PTPN3: variants seen among roughly 807,000 people sequenced by gnomAD.
PTPN3 encodes tyrosine-protein phosphatase non-receptor type 3.
PTPN3 carries 96 observed loss-of-function variants against 132.7 expected under a neutral mutation model. That is an observed-to-expected ratio of 0.72 (90% CI 0.61 to 0.86). The LOEUF is 0.86. Ranked by LOEUF, PTPN3 falls within the 40% of genes least tolerant of loss-of-function variation. PTPN3 has a pLI of 0.00. For missense variants in PTPN3, 1,125 were observed against 1,159.6 expected (o/e 0.97, Z 0.43); for synonymous variants, 398 against 429.0 (o/e 0.93, Z 0.89).
intron 10 of PTPN3, among the ~76,000 whole-genome samples, chr9:109,432,235 G>A (rs1843712555): frequency 6.6e-6 from 1 of 151,800 alleles, no homozygotes; most frequent in Non-Finnish European, 1.5e-5. Flanking sequence ...TCCCAAGTTG[G>A]GGAGCAGATT....
At chr9:109,382,216 G>C (rs1839162390) in intron 24 of PTPN3, 86 bp downstream of exon 24, 1 of 1,462,486 alleles carries the variant, frequency 6.8e-7, no homozygotes, top group African/African-American at 1.4e-5. Context: ...GTGGGATGTA[G>C]GGTGGGTCTG....
the PTPN3 span, chr9:109,511,623 G>A: frequency 6.5e-6 from 1 of 153,192 alleles, no homozygotes; most frequent in Non-Finnish European, 1.5e-5. Context: ...ATGGAGAGGG[G>A]CCCAGCCAGG....
Position 109,426,794 on chromosome 9 carries a change from C to T in PTPN3, c.1001+156G>A, listed in dbSNP as rs567669836. ...TGAGATATCCCTTAGACACTGCTGA[C>T]CCCGGGAGACTTTTAGTTATGGTTC... On this transcript the variant is annotated intron_variant, in intron 12 of 25. Transcript: ENST00000374541. Among the ~76,000 whole-genome samples, 8 of 152,264 alleles carry T rather than the reference C, an allele frequency of 5.3e-5. No individual in the cohort carries two copies. In the East Asian group the frequency reaches 1.5e-3, roughly 29 times the overall value.
chr9:109,487,311 T>A (rs188283132), intron 1 of PTPN3, among the ~76,000 whole-genome samples: 37 of 152,276 alleles, frequency 2.4e-4, no homozygotes, highest in African/African-American at 8.9e-4. Context: ...AAGTGAGCAG[T>A]CCCTGGCCAC....
intron 5 of PTPN3, among the ~76,000 whole-genome samples, chr9:109,452,264 C>G: frequency 1.4e-5 from 1 of 74,028 alleles, no homozygotes; most frequent in South Asian, 5.1e-4. Flanking sequence ...CGAGCTCCGT[C>G]TCAAAAAAAA....
At chr9:109,524,839 G>A in the PTPN3 span, among the ~76,000 whole-genome samples, 1 of 152,204 alleles carries the variant, frequency 6.6e-6, no homozygotes, top group African/African-American at 2.4e-5. Context: ...CCTGATTCAA[G>A]TGATCCTCCT....
At chr9:109,407,415 T>C (rs1256241827) in intron 17 of PTPN3, among the ~76,000 whole-genome samples, 1 of 152,036 alleles carries the variant, frequency 6.6e-6, no homozygotes, top group Non-Finnish European at 1.5e-5. Context: ...CTATGGAAAG[T>C]GATGAACATG....
intron 16 of PTPN3, among the ~76,000 whole-genome samples, chr9:109,409,011 T>A (rs1588354242): frequency 6.7e-6 from 1 of 150,256 alleles, no homozygotes; most frequent in Non-Finnish European, 1.5e-5. Flanking sequence ...AGCTGGGGGG[T>A]AGGCGACCAC....
intron 5 of PTPN3, 183 bp from the exon 6 acceptor site, chr9:109,449,038 G>A: frequency 7.1e-7 from 1 of 1,412,432 alleles, no homozygotes; most frequent in South Asian, 1.6e-5. Flanking sequence ...CATTACTGAT[G>A]GCTCATGTTG....
At chr9:109,492,869 C>T (rs183400961) in intron 1 of PTPN3, among the ~76,000 whole-genome samples, 13 of 152,254 alleles carry the variant, frequency 8.5e-5, no homozygotes, top group Non-Finnish European at 1.6e-4. Context: ...TGCCAGCTCC[C>T]GAAGAGCTTC....
chr9:109,499,813 G>A (rs1847833115), upstream of PTPN3, among the ~76,000 whole-genome samples: 1 of 152,174 alleles, frequency 6.6e-6, no homozygotes. Context: ...GGGGATTTCC[G>A]ACGGAGCCCG....
In PTPN3 at chr9:109,427,130, G is replaced by A. The variant is rs1843336347; in HGVS notation, c.829-8C>T. On this transcript the variant is annotated splice_polypyrimidine_tract_variant and splice_region_variant and intron_variant, in intron 11 of 25. Transcript: ENST00000374541. ...ATGTTCCCTGGATTCAGCCTGGGAG[G>A]AAAAACAGTCAAGATTTCACCCACA... 1 of 1,613,256 alleles carries A rather than the reference G, an allele frequency of 6.2e-7. No individual in the cohort carries two copies. Among genetic ancestry groups the A allele is most frequent in the Non-Finnish European group, 8.5e-7 (1 of 1,179,596 alleles).
At chr9:109,485,380 C>T (rs1339785588) in intron 1 of PTPN3, among the ~76,000 whole-genome samples, 3 of 151,974 alleles carry the variant, frequency 2.0e-5, no homozygotes, top group East Asian at 1.9e-4. Flanking sequence ...TGGTGGTGGG[C>T]GCCTGCAGTC....
chr9:109,500,115 C>G (rs1847843838), upstream of PTPN3, among the ~76,000 whole-genome samples: 1 of 152,226 alleles, frequency 6.6e-6, no homozygotes, highest in Non-Finnish European at 1.5e-5. Context: ...AATACCTACG[C>G]TTCGATCTGG....
the PTPN3 span, among the ~76,000 whole-genome samples, chr9:109,534,790 G>A: frequency 1.3e-5 from 2 of 150,170 alleles, no homozygotes; most frequent in Non-Finnish European, 3.0e-5. Flanking sequence ...AGACAAGAGC[G>A]AGACTCCGTC....
At chr9:109,468,855 C>T (rs1182502806) in intron 1 of PTPN3, among the ~76,000 whole-genome samples, 1 of 152,240 alleles carries the variant, frequency 6.6e-6, no homozygotes, top group Non-Finnish European at 1.5e-5. Flanking sequence ...CTTCTAATGC[C>T]ATTGGGTGCT....
At chr9:109,424,590 C>T (rs1462808374) in intron 12 of PTPN3, among the ~76,000 whole-genome samples, 1 of 152,184 alleles carries the variant, frequency 6.6e-6, no homozygotes, top group Non-Finnish European at 1.5e-5. Context: ...GAAATTCAAC[C>T]ACCCTCCTGG....
At position 109,427,137 on chromosome 9, in the gene PTPN3, A is replaced by AT. The variant is rs1843337245; in HGVS notation, c.829-16_829-15insA. 1.2e-6 allele frequency: 2 copies of AT among 1,613,106 alleles called. No homozygotes were observed. Among genetic ancestry groups the AT allele is most frequent in the Admixed American group, 3.3e-5 (2 of 59,966 alleles). ...CTGGATTCAGCCTGGGAGGAAAAAC[A>AT]GTCAAGATTTCACCCACACAGACAT... On this transcript the variant is annotated splice_polypyrimidine_tract_variant and intron_variant, in intron 11 of 25. Coordinates refer to ENST00000374541, the MANE Select transcript of PTPN3 (RefSeq NM_002829.4).
chr9:109,449,655 T>A, intron 5 of PTPN3: 2 of 985,454 alleles, frequency 2.0e-6, no homozygotes, highest in South Asian at 4.7e-5. Context: ...CATGTGACAC[T>A]TGGCCACTAG....
Sources: allele counts gnomAD v4.1 joint callset (sites outside exome capture counted in the v4.1 genomes callset), GRCh38; gene constraint gnomAD v4.1.1; transcripts MANE v1.5; gene names NCBI Gene and HGNC (gene_info 2026-07-23, HGNC 2026-07-21).